Variants in TECPR1 observed in about 807,000 individuals in gnomAD.
TECPR1 encodes tectonin beta-propeller repeat containing 1.
Under a neutral mutation model 162.4 loss-of-function variants are expected in TECPR1, and 122 were observed. The ratio of observed to expected loss-of-function variants is 0.75; its 90% CI spans 0.65 to 0.87. TECPR1 has a LOEUF of 0.87. Among genes scored for constraint, TECPR1 ranks in the 40% least tolerant of loss-of-function variants. The pLI is 0.00. For synonymous variants in TECPR1, 642 were observed against 670.6 expected (o/e 0.96, Z 0.66); for missense variants, 1,432 against 1,618.2 (o/e 0.88, Z 1.97).
chr7:98,224,743 CTCCAGGGCCCTGACA>C (rs1798231437), intron 19 of TECPR1, 43 bp downstream of exon 19: 1 of 1,499,930 alleles, frequency 6.7e-7, no homozygotes, highest in Non-Finnish European at 9.1e-7. Flanking sequence ...AGGCCACACA[CTCCAGGGCCCTGACA>C]TTCAGGACCC....
chr7:98,228,140 G>C (rs770687029), intron 16 of TECPR1, 24 bp from the exon 17 acceptor site: 1 of 1,570,798 alleles, frequency 6.4e-7, no homozygotes, highest in Non-Finnish European at 8.7e-7. Flanking sequence ...TGGCTGCTGG[G>C]ACCGAGGCCA....
intron 6 of TECPR1, among the ~76,000 whole-genome samples, chr7:98,242,096 C>T (rs1340450267): frequency 1.3e-5 from 2 of 152,252 alleles, no homozygotes; most frequent in African/African-American, 4.8e-5. Flanking sequence ...CCCTCGCCAC[C>T]GCCCTTCAGC....
At chr7:98,224,928 C>T in intron 18 of TECPR1, 48 bp from the exon 19 acceptor site, 1 of 1,547,592 alleles carries the variant, frequency 6.5e-7, no homozygotes, top group Non-Finnish European at 8.7e-7. Flanking sequence ...ATCCAGAAGG[C>T]AGTCAGAACA....
chr7:98,244,763 G>A (rs1798858171), intron 4 of TECPR1, 70 bp from the exon 5 acceptor site: 4 of 1,581,740 alleles, frequency 2.5e-6, no homozygotes, highest in Non-Finnish European at 3.4e-6. Context: ...AAGGTGGGGA[G>A]GGAGGGTGTG....
intron 10 of TECPR1, 45 bp from the exon 11 acceptor site, chr7:98,233,956 C>G: frequency 6.8e-7 from 1 of 1,466,376 alleles, no homozygotes; most frequent in Non-Finnish European, 9.1e-7. Context: ...TGCAGGGGAA[C>G]AGGCGCTGTC....
rs1406152411 is a variant in TECPR1, at chr7:98,223,041, G to A, written c.2877C>T (p.Ser959=). ...GGCGGCACAGCACATCCCCCTTGTC[G>A]CTGACGGCCCAGAGGGCGATGCTGT... The part of the protein sequence containing the change: ...SGHSIALWAV[S]DKGDVLCRLG... Residue 959 remains serine (S), a synonymous_variant, in exon 21 of 26, where the codon AGC becomes AGT. Transcript: ENST00000447648. 18 of 1,610,696 alleles carry A rather than the reference G, an allele frequency of 1.1e-5. No homozygotes were observed. In the East Asian group the frequency reaches 1.8e-4, roughly 16 times the overall value.
chr7:98,223,865 C>T (rs932999317), intron 19 of TECPR1, 147 bp from the exon 20 acceptor site: 1 of 818,512 alleles, frequency 1.2e-6, no homozygotes, highest in East Asian at 2.7e-5. Context: ...GAGGTGTCAC[C>T]ACGCGCGGCT....
intron 9 of TECPR1, 84 bp from the exon 10 acceptor site, chr7:98,237,005 A>G: frequency 7.1e-7 from 1 of 1,403,744 alleles, no homozygotes; most frequent in African/African-American, 1.5e-5. Flanking sequence ...AAATGCAGGC[A>G]GGGTCCTCCA....
intron 23 of TECPR1, 109 bp downstream of exon 23, chr7:98,221,552 C>A: frequency 1.1e-6 from 1 of 909,172 alleles, no homozygotes; most frequent in South Asian, 1.4e-5. Flanking sequence ...GTCTCGAACT[C>A]CTGATCTCAG....
rs1798461552 is a variant in TECPR1 at position 98,232,127 on chromosome 7, C to T, written c.1819-168G>A. On this transcript the variant is annotated intron_variant, in intron 12 of 25. Coordinates refer to ENST00000447648, the MANE Select transcript of TECPR1 (RefSeq NM_015395.3). The surrounding 1 kb of genome is among the most constrained non-coding windows in gnomAD (Gnocchi z 4.6). ...TATGCTAATGATAACAGTGACGCTG[C>T]CGGACACCCAATAGGTGCAGGCTGA... is the stretch of plus-strand genomic sequence containing the variant. Among the ~76,000 whole-genome samples the T allele has an allele frequency of 6.6e-6, 1 of 152,128 alleles. No individual in the cohort carries two copies. The highest frequency in any genetic ancestry group is 1.5e-5 in the Non-Finnish European group (1 of 68,018).
intron 23 of TECPR1, among the ~76,000 whole-genome samples, 190 bp downstream of exon 23, chr7:98,221,471 T>C (rs1201917547): frequency 8.6e-6 from 1 of 115,994 alleles, no homozygotes; most frequent in African/African-American, 2.8e-5. Context: ...TCTGTACCCA[T>C]AAAAATTAAA....
intron 2 of TECPR1, chr7:98,250,844 CT>C (rs1312689729): frequency 6.6e-6 from 1 of 151,912 alleles, no homozygotes; most frequent in Non-Finnish European, 1.5e-5. Flanking sequence ...GAAGACTCTG[CT>C]ACAGTGAAAG....
In TECPR1 at chr7:98,236,937, T is replaced by C. The variant is rs1436793662; in HGVS notation, c.1036-16A>G. The C allele has an allele frequency of 6.5e-7, 1 of 1,528,432 alleles. No individual in the cohort carries two copies. The highest frequency in any genetic ancestry group is 8.8e-7 in the Non-Finnish European group (1 of 1,135,496). 94.7% of individuals were successfully genotyped at this position (1,528,432 alleles called of 1,614,324 possible). On this transcript the variant is annotated splice_polypyrimidine_tract_variant and intron_variant, in intron 9 of 25. Transcript: ENST00000447648. ...TGCCCCACACCTGGAAGAGAGAGGC[T>C]GTGTTCCGAGGAATCTGGGCGCAGG...
chr7:98,222,996 G>A lies in TECPR1; in HGVS notation c.2922C>T (p.Asn974=). 1.2e-6 allele frequency: 2 copies of A among 1,611,820 alleles called. No individual in the cohort carries two copies. Among genetic ancestry groups the A allele is most frequent in the Non-Finnish European group, 1.7e-6 (2 of 1,179,554 alleles). Residue 974 remains asparagine (N), a synonymous_variant, in exon 21 of 26, where the codon AAC becomes AAT. Transcript: ENST00000447648. The part of the protein sequence containing the change: ...VLCRLGVSEL[N]PAGSSWLHVG... ...GTCTGGCCCCGGCACTCACCGCAGG[G>A]TTGAGCTCCGACACGCCCAGGCGGC...
chr7:98,246,160 G>A lies in TECPR1; in HGVS notation c.-14C>T. On this transcript the variant is annotated 5_prime_UTR_variant, in exon 3 of 26. Transcript: ENST00000447648. ...TGAGTTGGGCATGGCAGCGGCTGGA[G>A]GTAACCTGCGGCAGGAGGACGAGGG... 2 of 1,535,560 alleles carry A rather than the reference G, an allele frequency of 1.3e-6. No individual in the cohort carries two copies. The highest frequency in any genetic ancestry group is 1.2e-5 in the South Asian group (1 of 83,686).
chr7:98,247,548 G>A (rs758926919), intron 2 of TECPR1, among the ~76,000 whole-genome samples: 3 of 151,980 alleles, frequency 2.0e-5, no homozygotes, highest in South Asian at 2.1e-4. Context: ...GAGTGGGCAG[G>A]TCTCCCCGCC....
intron 17 of TECPR1, chr7:98,226,524 G>A: frequency 9.6e-7 from 1 of 1,037,654 alleles, no homozygotes; most frequent in Non-Finnish European, 1.2e-6. Context: ...ATGGCTGGAA[G>A]GCCACACCCC....
intron 2 of TECPR1, among the ~76,000 whole-genome samples, chr7:98,246,425 C>G (rs1396989132): frequency 2.0e-5 from 3 of 151,868 alleles, no homozygotes; most frequent in African/African-American, 7.3e-5. Flanking sequence ...TGCCACCATA[C>G]CCAGCTAGTT....
intron 10 of TECPR1, among the ~76,000 whole-genome samples, chr7:98,235,259 C>T (rs1798563025): frequency 6.6e-6 from 1 of 152,214 alleles, no homozygotes; most frequent in South Asian, 2.1e-4. Flanking sequence ...GGCGCAGTGG[C>T]TCACGCCTGT....
Sources: gnomAD v4.1 joint callset for allele counts (sites outside exome capture counted in the v4.1 genomes callset) on GRCh38, gnomAD v4.1.1 for gene constraint, Gnocchi (gnomAD v3.1) non-coding constraint, MANE v1.5 for transcripts, NCBI Gene and HGNC (gene_info 2026-07-23, HGNC 2026-07-21) for gene names.